The following ZFP42 variants were observed in gnomAD, a reference collection of about 807,000 sequenced individuals.
The protein encoded by ZFP42 is zinc finger protein 42 homolog.
For synonymous variants in ZFP42, 175 were observed against 144.6 expected (o/e 1.21, Z -1.51); for missense variants, 438 against 377.1 (o/e 1.16, Z -1.34).
At chr4:188,000,927 C>T (rs1298344848) in intron 3 of ZFP42, among the ~76,000 whole-genome samples, 1 of 152,012 alleles carries the variant, frequency 6.6e-6, no homozygotes. Context: ...ACCCCAGAGG[C>T]GGAGGTTGCA....
Position 188,003,084 on chromosome 4 carries a change from G to C in ZFP42, c.277G>C (p.Glu93Gln). 1 of 1,614,120 alleles carries C rather than the reference G, an allele frequency of 6.2e-7. No individual in the cohort carries two copies. The highest frequency in any genetic ancestry group is 8.5e-7 in the Non-Finnish European group (1 of 1,180,026). The change falls in exon 4 of 4, where the codon GAG becomes CAG. Residue 93 changes from glutamate (E) to glutamine (Q), a missense_variant. Physicochemically the swap from Glu to Gln is conservative, Grantham distance 29 (BLOSUM62 2). Coordinates refer to ENST00000326866, the MANE Select transcript of ZFP42 (RefSeq NM_174900.5). ...CATCCTGGAAGAGGACTCACTTTTT[G>C]AGTCCTTGGAATACCTAAAGAAAGG... is the stretch of plus-strand genomic sequence containing the variant. ...QPILEEDSLFESLEYLKKGSE... is the reference protein window; with the variant it reads ...QPILEEDSLFQSLEYLKKGSE...
downstream of ZFP42, chr4:188,005,087 A>G (rs971318131): frequency 6.0e-6 from 1 of 167,104 alleles, no homozygotes; most frequent in Non-Finnish European, 1.5e-5. Flanking sequence ...CAAAGTCTAC[A>G]TTGAAAAGAG....
rs1397443136 is a variant in ZFP42 at position 188,003,115 on chromosome 4, A to G, written c.308A>G (p.Glu103Gly). The G allele has an allele frequency of 4.3e-6, 7 of 1,614,194 alleles. No homozygotes were observed. Among genetic ancestry groups the G allele is most frequent in the Non-Finnish European group, 5.9e-6 (7 of 1,180,034 alleles). The stretch of plus-strand genomic sequence containing the variant: ...TTGGAATACCTAAAGAAAGGATCAG[A>G]ACAACAGCTTTCTCAAAAGGTTTTC... ...ESLEYLKKGS[E>G]QQLSQKVFEA... is the part of the protein sequence containing the mutation. Residue 103 changes from glutamate (E) to glycine (G), a missense_variant, in exon 4 of 4, where the codon GAA becomes GGA. Glu to Gly is a moderately conservative substitution (Grantham distance 98, BLOSUM62 -2). Transcript: ENST00000326866.
At chr4:187,996,160 C>A (rs1023932396) in intron 1 of ZFP42, among the ~76,000 whole-genome samples, 1 of 129,570 alleles carries the variant, frequency 7.7e-6, no homozygotes. Context: ...TGTTTCCTTA[C>A]AATATCTGGC....
Position 188,003,237 on chromosome 4 carries a change from T to G in ZFP42, c.430T>G (p.Ser144Ala). ...AGTTGGAGAGAATTCGCTTGAGTATTCTGAGTACATGACAGGCAAGAAGCT... is the reference window on the plus strand; with the variant it reads ...AGTTGGAGAGAATTCGCTTGAGTATGCTGAGTACATGACAGGCAAGAAGCT... ...KIVGENSLEY[S>A]EYMTGKKLPP... The change falls in exon 4 of 4, where the codon TCT (serine) becomes GCT (alanine). Residue 144 changes from serine (S) to alanine (A), a missense_variant. Coordinates refer to ENST00000326866, the MANE Select transcript of ZFP42 (RefSeq NM_174900.5). The G allele has an allele frequency of 6.2e-7, 1 of 1,614,076 alleles. No individual in the cohort carries two copies. The highest frequency in any genetic ancestry group is 8.5e-7 in the Non-Finnish European group (1 of 1,180,020).
intron 3 of ZFP42, 76 bp from the exon 4 acceptor site, chr4:188,002,637 T>G (rs1160394052): frequency 6.4e-6 from 4 of 620,166 alleles, no homozygotes; most frequent in Non-Finnish European, 1.1e-5. Context: ...TATTGGAAAA[T>G]GTGTCTTAGG....
In ZFP42 at chr4:188,003,077, AC is replaced by A; in HGVS notation, c.271del (p.Leu91PhefsTer8). On this transcript the variant is annotated frameshift_variant, in exon 4 of 4. Coordinates refer to ENST00000326866, the MANE Select transcript of ZFP42 (RefSeq NM_174900.5). LOFTEE classifies it low-confidence loss of function (END_TRUNC). ...FSQPILEEDS[L>X]FESLEYLKKG... ...CTCAACCCATCCTGGAAGAGGACTC[AC>A]TTTTTGAGTCCTTGGAATACCTAAA... The A allele has an allele frequency of 6.2e-7, 1 of 1,614,178 alleles. No homozygotes were observed. Among genetic ancestry groups the A allele is most frequent in the Non-Finnish European group, 8.5e-7 (1 of 1,180,022 alleles).
chr4:187,996,000 C>A (rs902247953), intron 1 of ZFP42, among the ~76,000 whole-genome samples, 160 bp downstream of exon 1: 3 of 152,198 alleles, frequency 2.0e-5, no homozygotes, highest in African/African-American at 7.2e-5. Flanking sequence ...AGACTTGTAG[C>A]CCTCGCCCTG....
At chr4:188,001,849 C>T (rs186717915) in intron 3 of ZFP42, among the ~76,000 whole-genome samples, 108 of 152,322 alleles carry the variant, frequency 7.1e-4, no homozygotes, top group African/African-American at 2.5e-3. Flanking sequence ...ACTTTGCATG[C>T]GTTATTTAAT....
At position 187,999,105 on chromosome 4, in the gene ZFP42, C is replaced by G. The variant is rs1279281944; in HGVS notation, c.-338-3C>G. 1 of 151,968 alleles carries G rather than the reference C, an allele frequency of 6.6e-6. No individual in the cohort carries two copies. The highest frequency in any genetic ancestry group is 2.4e-5 in the African/African-American group (1 of 41,356). 9.4% of individuals were successfully genotyped at this position (151,968 alleles called of 1,614,324 possible). On this transcript the variant is annotated splice_region_variant and splice_polypyrimidine_tract_variant and intron_variant, in intron 1 of 3. Coordinates refer to ENST00000326866, the MANE Select transcript of ZFP42 (RefSeq NM_174900.5). The stretch of plus-strand genomic sequence containing the variant: ...ATGCCTTTCTTTTTTTTCTGTCACC[C>G]AGGTTGGAGTGCAATGGTGTGATCT...
At chr4:187,997,337 G>A (rs1347749056) in intron 1 of ZFP42, among the ~76,000 whole-genome samples, 2 of 141,358 alleles carry the variant, frequency 1.4e-5, no homozygotes, top group Non-Finnish European at 3.0e-5. Context: ...AGGTTCAAGC[G>A]ATTCTCCTGC....
Position 188,003,562 on chromosome 4 carries a change from G to A in ZFP42, c.755G>A (p.Cys252Tyr), listed in dbSNP as rs1733932512. 6.2e-7 allele frequency: 1 copy of A among 1,613,606 alleles called. No homozygotes were observed. The highest frequency in any genetic ancestry group is 8.5e-7 in the Non-Finnish European group (1 of 1,180,056). ...CCGTTTCGGTGCACTTTTGAAGGGT[G>A]CGGAAAGCGCTTCTCTCTGGACTTT... ...EKPFRCTFEG[C>Y]GKRFSLDFNL... The change falls in exon 4 of 4, where the codon TGC becomes TAC. Residue 252 changes from cysteine to tyrosine, a missense_variant. By Grantham distance (194) the Cys-to-Tyr change is radical. Transcript: ENST00000326866.
At position 188,003,561 on chromosome 4, in the gene ZFP42, T is replaced by C. The variant is rs752464676; in HGVS notation, c.754T>C (p.Cys252Arg). ...EKPFRCTFEG[C>R]GKRFSLDFNL... ...GCCGTTTCGGTGCACTTTTGAAGGGTGCGGAAAGCGCTTCTCTCTGGACTT... is the reference window on the plus strand; with the variant it reads ...GCCGTTTCGGTGCACTTTTGAAGGGCGCGGAAAGCGCTTCTCTCTGGACTT... The change falls in exon 4 of 4, where the codon TGC becomes CGC. Residue 252 changes from cysteine to arginine, a missense_variant. Transcript: ENST00000326866. 1 of 1,613,610 alleles carries C rather than the reference T, an allele frequency of 6.2e-7. No homozygotes were observed. The highest frequency in any genetic ancestry group is 1.1e-5 in the South Asian group (1 of 91,088).
rs1290572257 is a variant in ZFP42, at chr4:188,003,827, AAATC to A, written c.*91_*94del. 14 of 1,357,410 alleles carry A rather than the reference AAATC, an allele frequency of 1.0e-5. No individual in the cohort carries two copies. The African/African-American group carries it at 2.1e-4, about 20-fold the overall frequency. 84.1% of individuals were successfully genotyped at this position (1,357,410 alleles called of 1,614,324 possible). ...TTATTGTTTCTAGGAAGGAATTTCT[AAATC>A]AATATTGCAACCCCAAAAGCGGTTA... On this transcript the variant is annotated 3_prime_UTR_variant, in exon 4 of 4. Coordinates refer to ENST00000326866, the MANE Select transcript of ZFP42 (RefSeq NM_174900.5).
chr4:188,001,174 GT>G lies in ZFP42; in HGVS notation c.-96+1499del, dbSNP rs548533645. On this transcript the variant is annotated intron_variant, in intron 3 of 3. Coordinates refer to ENST00000326866, the MANE Select transcript of ZFP42 (RefSeq NM_174900.5). ...GTAAATGACATGCTTCTGTTGAGGT[GT>G]TTTTTTTTTAATGTGGTTATTTTAA... Among the ~76,000 whole-genome samples the G allele has an allele frequency of 2.0e-3, 289 of 143,466 alleles. 1 individual carries two copies. Among genetic ancestry groups the G allele is most frequent in the African/African-American group, 6.7e-3 (264 of 39,174 alleles). 94.1% of individuals were successfully genotyped at this position (143,466 alleles called of 152,430 possible).
chr4:188,001,957 T>C (rs1008542881), intron 3 of ZFP42, among the ~76,000 whole-genome samples: 1 of 152,188 alleles, frequency 6.6e-6, no homozygotes, highest in African/African-American at 2.4e-5. Flanking sequence ...GGCAGGCGGA[T>C]CACGAAGTCG....
chr4:188,003,683 G>A lies in ZFP42; in HGVS notation c.876G>A (p.Leu292=), dbSNP rs968814907. Reference sequence around the variant, plus strand: ...GGAGGTTTATTCAGTCAAATAACCTGAAAGCCCACATCCTAACGCATGCAA... The same window carrying A: ...GGAGGTTTATTCAGTCAAATAACCTAAAAGCCCACATCCTAACGCATGCAA... ...CNRRFIQSNN[L]KAHILTHANT... The change falls in exon 4 of 4, where the codon CTG becomes CTA. Residue 292 remains leucine (L), a synonymous_variant. Transcript: ENST00000326866. 1.2e-6 allele frequency: 2 copies of A among 1,613,818 alleles called. No individual in the cohort carries two copies. Among genetic ancestry groups the A allele is most frequent in the Non-Finnish European group, 1.7e-6 (2 of 1,180,034 alleles).
Position 188,002,913 on chromosome 4 carries a change from C to T in ZFP42, c.106C>T (p.Leu36=). The T allele has an allele frequency of 6.2e-7, 1 of 1,614,198 alleles. No individual in the cohort carries two copies. The highest frequency in any genetic ancestry group is 2.2e-5 in the East Asian group (1 of 44,858). ...CAGGCAAGGCAAGTCAAGCCAAGAC[C>T]TGCAGGCGGAAATAGAACCTGTCAG... ...KPRQGKSSQD[L]QAEIEPVSAV... is the part of the protein sequence containing the mutation. Residue 36 remains leucine (L), a synonymous_variant, in exon 4 of 4, where the codon CTG becomes TTG. Coordinates refer to ENST00000326866, the MANE Select transcript of ZFP42 (RefSeq NM_174900.5).
At chr4:187,999,958 A>G (rs1733746975) in intron 3 of ZFP42, among the ~76,000 whole-genome samples, 1 of 152,242 alleles carries the variant, frequency 6.6e-6, no homozygotes, top group South Asian at 2.1e-4. Context: ...ATAGTGAAAT[A>G]CAAGAGCTAT....
Sources: gnomAD v4.1 joint callset for allele counts (sites outside exome capture counted in the v4.1 genomes callset) on GRCh38, gnomAD v4.1.1 for gene constraint, MANE v1.5 for transcripts, NCBI Gene and HGNC (gene_info 2026-07-23, HGNC 2026-07-21) for gene names.